The following TMEM170A variants were observed in gnomAD, a reference collection of about 807,000 sequenced individuals.
TMEM170A encodes transmembrane protein 170.
Under a neutral mutation model 12.8 loss-of-function variants are expected in TMEM170A, and 18 were observed. The ratio of observed to expected loss-of-function variants is 1.41; its 90% CI spans 0.97 to 2.09. TMEM170A has a LOEUF of 2.09. Among genes scored for constraint, TMEM170A ranks in the 30% most tolerant of loss-of-function variants. The pLI is 0.00. For synonymous variants in TMEM170A, 107 were observed against 76.2 expected, an observed-to-expected ratio of 1.40 and a Z score of -2.11; for missense variants, 220 against 179.9, an observed-to-expected ratio of 1.22 and a Z score of -1.28.
intron 2 of TMEM170A, among the ~76,000 whole-genome samples, chr16:75,448,431 G>A (rs1043697792): frequency 4.6e-5 from 7 of 152,134 alleles, no homozygotes; most frequent in African/African-American, 7.2e-5. Context: ...TTATACCAAG[G>A]AAGTGTACCA....
chr16:75,448,326 C>T (rs982911449), intron 2 of TMEM170A, among the ~76,000 whole-genome samples: 1 of 152,150 alleles, frequency 6.6e-6, no homozygotes, highest in Non-Finnish European at 1.5e-5. Flanking sequence ...GTTTTTATTA[C>T]GCTAGTCACT....
intron 1 of TMEM170A, among the ~76,000 whole-genome samples, chr16:75,462,966 T>G (rs1315952620): frequency 6.6e-6 from 1 of 152,140 alleles, no homozygotes; most frequent in East Asian, 1.9e-4. Context: ...TTCTGCAACT[T>G]CCTATTGAAT....
chr16:75,454,700 T>G (rs141123357), intron 1 of TMEM170A, among the ~76,000 whole-genome samples: 1 of 152,132 alleles, frequency 6.6e-6, no homozygotes, highest in Non-Finnish European at 1.5e-5. Flanking sequence ...TTTGGGGAAT[T>G]TGACACCAGA....
intron 1 of TMEM170A, among the ~76,000 whole-genome samples, chr16:75,461,792 T>G (rs1008599844): frequency 2.0e-5 from 3 of 152,236 alleles, no homozygotes; most frequent in African/African-American, 7.2e-5. Flanking sequence ...AAACGATCTC[T>G]GGTAATCGAC....
chr16:75,444,992 T>C lies in TMEM170A; in HGVS notation c.*2566A>G, dbSNP rs978264615. 1 of 152,194 alleles carries C rather than the reference T, an allele frequency of 6.6e-6. No individual in the cohort carries two copies. 9.4% of individuals were successfully genotyped at this position (152,194 alleles called of 1,614,324 possible). ...ACTACTGGTCTATATGTTTAGTGTA[T>C]GAAATTACATCCAAAGAATGCTTTA... On this transcript the variant is annotated 3_prime_UTR_variant, in exon 3 of 3. Transcript: ENST00000561878.
chr16:75,457,016 G>A (rs1030777125), intron 1 of TMEM170A, among the ~76,000 whole-genome samples: 14 of 152,350 alleles, frequency 9.2e-5, no homozygotes, highest in African/African-American at 2.9e-4. Flanking sequence ...GATGGCATCA[G>A]GAATTCACTG....
At position 75,464,293 on chromosome 16, in the gene TMEM170A, C is replaced by A. The variant is rs753138338; in HGVS notation, c.133+175G>T. ...TCCGGGGCTCCGCCTCAGGGACCGC[C>A]GAAGAAGTGATGGGGAAAGGGGCTC... is the stretch of plus-strand genomic sequence containing the variant. On this transcript the variant is annotated intron_variant, in intron 1 of 2. Transcript: ENST00000561878. 2 of 1,483,220 alleles carry A rather than the reference C, an allele frequency of 1.3e-6. 1 individual carries two copies. Among genetic ancestry groups the A allele is most frequent in the South Asian group, 2.5e-5 (2 of 78,860 alleles). 91.9% of individuals were successfully genotyped at this position (1,483,220 alleles called of 1,614,324 possible).
chr16:75,455,235 T>C (rs1238562944), intron 1 of TMEM170A, among the ~76,000 whole-genome samples: 1 of 151,552 alleles, frequency 6.6e-6, no homozygotes, highest in Non-Finnish European at 1.5e-5. Context: ...CGGGCACCTG[T>C]AGTCCCAGCT....
intron 2 of TMEM170A, 38 bp downstream of exon 2, chr16:75,451,631 T>C (rs757548040): frequency 6.2e-7 from 1 of 1,607,334 alleles, no homozygotes; most frequent in South Asian, 1.1e-5. Context: ...ACTAGTCATA[T>C]TAAACATTTT....
rs111809253 is a variant in TMEM170A, at chr16:75,464,132, C to A, written c.133+336G>T. The A allele has an allele frequency of 2.2e-5, 29 of 1,302,644 alleles. No individual in the cohort carries two copies. The African/African-American group carries it at 3.1e-4, about 14-fold the overall frequency. The allele number at this position is 1,302,644 out of a possible 1,614,324, so 80.7% of individuals were successfully genotyped here. ...CCAGGCAGGGCGGGGACCACAGCCTCCCGGGCTCGTGGGGTGCAGCTCTGA... is the reference window on the plus strand; with the variant it reads ...CCAGGCAGGGCGGGGACCACAGCCTACCGGGCTCGTGGGGTGCAGCTCTGA... On this transcript the variant is annotated intron_variant, in intron 1 of 2. Transcript: ENST00000561878.
At chr16:75,457,678 G>A (rs1165406915) in intron 1 of TMEM170A, among the ~76,000 whole-genome samples, 2 of 152,128 alleles carry the variant, frequency 1.3e-5, no homozygotes, top group South Asian at 2.1e-4. Context: ...CCCTGCCCCA[G>A]GAGGCCTGCT....
rs16974419 is a variant in TMEM170A, at chr16:75,454,830, C to T, written c.134-2991G>A. 5.3e-3 allele frequency among the ~76,000 whole-genome samples: 807 copies of T among 152,258 alleles called. 8 individuals carry two copies. The highest frequency in any genetic ancestry group is 0.019 in the African/African-American group (783 of 41,558). On this transcript the variant is annotated intron_variant, in intron 1 of 2. Transcript: ENST00000561878. ...AGTTGGAATACAAACTGGAAAACCA[C>T]CTTTTTGCAGGGTAATTTGGAAGTC...
rs141520972 is a variant in TMEM170A at position 75,463,825 on chromosome 16, C to A, written c.133+643G>T. 4.4e-3 allele frequency among the ~76,000 whole-genome samples: 670 copies of A among 152,362 alleles called. 5 individuals carry two copies. Among genetic ancestry groups the A allele is most frequent in the African/African-American group, 0.014 (596 of 41,582 alleles). ...CCCTCCTAGCAGGCCCAGCTCAAGC[C>A]GCAGCGGGGAGGAAGAGTTCAAAGG... On this transcript the variant is annotated intron_variant, in intron 1 of 2. Coordinates refer to ENST00000561878, the MANE Select transcript of TMEM170A (RefSeq NM_145254.3).
rs537659531 is a variant in TMEM170A at position 75,460,429 on chromosome 16, A to G, written c.133+4039T>C. On this transcript the variant is annotated intron_variant, in intron 1 of 2. Coordinates refer to ENST00000561878, the MANE Select transcript of TMEM170A (RefSeq NM_145254.3). Reference sequence around the variant, plus strand: ...TGTGCGTTGCCGACACAGTCCCTCCAGGCACCCTGGGCTCCTCAGTGTTTC... The same window carrying G: ...TGTGCGTTGCCGACACAGTCCCTCCGGGCACCCTGGGCTCCTCAGTGTTTC... Among the ~76,000 whole-genome samples the G allele has an allele frequency of 2.3e-3, 344 of 152,104 alleles. 1 individual carries two copies. The highest frequency in any genetic ancestry group is 3.4e-3 in the Non-Finnish European group (229 of 67,994).
At chr16:75,449,331 A>ACT (rs1555571815) in intron 2 of TMEM170A, among the ~76,000 whole-genome samples, 3 of 147,870 alleles carry the variant, frequency 2.0e-5, no homozygotes, top group Non-Finnish European at 3.0e-5. Context: ...CACGTTTACA[A>ACT]TTTTTTTTTT....
intron 1 of TMEM170A, among the ~76,000 whole-genome samples, chr16:75,459,506 T>G (rs2079862669): frequency 2.0e-5 from 3 of 152,140 alleles, no homozygotes; most frequent in Admixed American, 2.0e-4. Flanking sequence ...CACAGCCAGT[T>G]CCTCTGAAGC....
intron 2 of TMEM170A, among the ~76,000 whole-genome samples, chr16:75,449,785 C>T (rs2079650400): frequency 2.0e-5 from 3 of 152,232 alleles, no homozygotes; most frequent in African/African-American, 4.8e-5. Context: ...TTTCATTGGG[C>T]CCCTCCAAAA....
In TMEM170A at chr16:75,464,677, C is replaced by G. The variant is rs542701415; in HGVS notation, c.-77G>C. 1 of 1,511,104 alleles carries G rather than the reference C, an allele frequency of 6.6e-7. No homozygotes were observed. Among genetic ancestry groups the G allele is most frequent in the Non-Finnish European group, 8.8e-7 (1 of 1,137,554 alleles). 93.6% of individuals were successfully genotyped at this position (1,511,104 alleles called of 1,614,324 possible). A position where few individuals can be genotyped will look rare whatever the true frequency, so the allele number is the denominator to read the frequency against. On this transcript the variant is annotated 5_prime_UTR_variant, in exon 1 of 3. Transcript: ENST00000561878. The stretch of plus-strand genomic sequence containing the variant: ...AGCGGCCGGCGCCGACTCACCCTCG[C>G]CGCCTCAGCGTCACCTCCAGCCGGG...
At chr16:75,460,867 A>C (rs1031922491) in intron 1 of TMEM170A, among the ~76,000 whole-genome samples, 2 of 152,154 alleles carry the variant, frequency 1.3e-5, no homozygotes, top group Non-Finnish European at 1.5e-5. Flanking sequence ...ACACAAAAAC[A>C]TTACTGGGTT....
Sources: gnomAD v4.1 joint callset for allele counts (sites outside exome capture counted in the v4.1 genomes callset) on GRCh38, gnomAD v4.1.1 for gene constraint, MANE v1.5 for transcripts, NCBI Gene and HGNC (gene_info 2026-07-23, HGNC 2026-07-21) for gene names.